Variants in ANO4 observed in about 807,000 individuals in gnomAD.
ANO4 encodes anoctamin-4.
ANO4 carries 69 observed loss-of-function variants against 141.9 expected under a neutral mutation model. The ratio of observed to expected loss-of-function variants is 0.49; its 90% CI spans 0.40 to 0.59. The LOEUF (loss-of-function observed/expected upper bound fraction) is 0.59, where lower values mean the gene tolerates loss of function less well. Ranked by LOEUF, ANO4 falls within the 20% of genes least tolerant of loss-of-function variation. ANO4 has a pLI of 0.00. For missense variants in ANO4, 894 were observed against 1,162.2 expected, an observed-to-expected ratio of 0.77 and a Z score of 3.36; for synonymous variants, 350 against 394.3, an observed-to-expected ratio of 0.89 and a Z score of 1.33.
intron 3 of ANO4, among the ~76,000 whole-genome samples, chr12:100,775,846 G>GAA (rs142548213): frequency 1.4e-5 from 2 of 146,872 alleles, no homozygotes; most frequent in African/African-American, 5.0e-5. Context: ...TGTTTTTTAA[G>GAA]AAAAAAAAAA....
intron 22 of ANO4, among the ~76,000 whole-genome samples, chr12:101,101,025 T>C (rs2050165443): frequency 6.6e-6 from 1 of 152,232 alleles, no homozygotes; most frequent in Non-Finnish European, 1.5e-5. Flanking sequence ...TATTTACATA[T>C]TATTTGTGGC....
chr12:100,876,731 C>T (rs1669414732), intron 1 of ANO4, among the ~76,000 whole-genome samples: 1 of 152,152 alleles, frequency 6.6e-6, no homozygotes, highest in Admixed American at 6.5e-5. Context: ...CACATATGTT[C>T]TTGGAACCTT....
chr12:100,980,842 A>G (rs1245501299), intron 7 of ANO4, among the ~76,000 whole-genome samples: 1 of 152,186 alleles, frequency 6.6e-6, no homozygotes, highest in Non-Finnish European at 1.5e-5. Flanking sequence ...TATAGCCATT[A>G]TAAATTGCCT....
At chr12:100,755,962 T>A (rs1324718208) in intron 3 of ANO4, among the ~76,000 whole-genome samples, 2 of 152,234 alleles carry the variant, frequency 1.3e-5, no homozygotes, top group African/African-American at 4.8e-5. Context: ...GCAAAGAGAT[T>A]CTGAATAGTT....
intron 17 of ANO4, among the ~76,000 whole-genome samples, chr12:101,091,320 G>A (rs990277187): frequency 2.0e-5 from 3 of 152,128 alleles, no homozygotes; most frequent in African/African-American, 7.2e-5. Flanking sequence ...ACCTCTTTGT[G>A]CAGGGGCCAG....
At chr12:100,932,619 A>G (rs1391898146) in intron 3 of ANO4, among the ~76,000 whole-genome samples, 1 of 152,188 alleles carries the variant, frequency 6.6e-6, no homozygotes. Context: ...TAATTGAAAT[A>G]ATTGCAAATA....
chr12:100,883,146 T>G (rs1481922640), intron 1 of ANO4, among the ~76,000 whole-genome samples: 1 of 152,208 alleles, frequency 6.6e-6, no homozygotes, highest in Non-Finnish European at 1.5e-5. Flanking sequence ...TCTATGAATT[T>G]CAGGCCAGTA....
At chr12:101,072,709 T>C (rs2048864311) in intron 14 of ANO4, among the ~76,000 whole-genome samples, 1 of 151,572 alleles carries the variant, frequency 6.6e-6, no homozygotes, top group African/African-American at 2.4e-5. Context: ...AGGGCTAATA[T>C]CCAGAATCTA....
At position 100,785,782 on chromosome 12, in the gene ANO4, C is replaced by T. The variant is rs867978473; in HGVS notation, c.358+45677C>T. Among the ~76,000 whole-genome samples, 64 of 152,200 alleles carry T rather than the reference C, an allele frequency of 4.2e-4. 1 individual carries two copies. The Middle Eastern group carries it at 0.017, about 40-fold the overall frequency. ...ATACCAAGGAGTATGATTGCTGGAT[C>T]GTAAGGTAAGAGTATGTTTAGTTTT... On this transcript the variant is annotated intron_variant, in intron 3 of 29. Transcript: ENST00000644049.
At chr12:100,779,925 T>C (rs1301212579) in intron 3 of ANO4, among the ~76,000 whole-genome samples, 1 of 152,144 alleles carries the variant, frequency 6.6e-6, no homozygotes, top group East Asian at 1.9e-4. Flanking sequence ...ACTTTGTATT[T>C]CCCAGCCATT....
intron 1 of ANO4, among the ~76,000 whole-genome samples, chr12:100,895,900 G>A (rs2040325872): frequency 6.6e-6 from 1 of 151,920 alleles, no homozygotes; most frequent in African/African-American, 2.4e-5. Flanking sequence ...CATTTATTGT[G>A]TTCCCGTATA....
chr12:101,083,561 T>G, intron 15 of ANO4, 117 bp from the exon 16 acceptor site: 1 of 1,279,818 alleles, frequency 7.8e-7, no homozygotes, highest in Non-Finnish European at 1.1e-6. Context: ...ACTTCATTGG[T>G]TGACTAATTA....
intron 2 of ANO4, among the ~76,000 whole-genome samples, chr12:100,919,248 A>G (rs496373): frequency 0.31 from 47,709 of 151,996 alleles, 7,697 homozygotes; most frequent in Admixed American, 0.36. Flanking sequence ...TGGCGTAAGT[A>G]TACAGTGTTT....
intron 8 of ANO4, among the ~76,000 whole-genome samples, chr12:101,017,237 G>A (rs61944922): frequency 0.2 from 31,024 of 152,106 alleles, 3,706 homozygotes; most frequent in African/African-American, 0.33. Context: ...TTGGCAGGCA[G>A]GAGAGATCAT....
chr12:101,078,613 G>A (rs970131028), intron 14 of ANO4, among the ~76,000 whole-genome samples: 35 of 152,116 alleles, frequency 2.3e-4, no homozygotes, highest in Admixed American at 2.3e-3. Flanking sequence ...TGGCAACAAA[G>A]AAATGGTTTG....
At chr12:100,938,048 G>A (rs1399727398) in intron 3 of ANO4, among the ~76,000 whole-genome samples, 3 of 152,200 alleles carry the variant, frequency 2.0e-5, no homozygotes, top group East Asian at 1.9e-4. Context: ...CTTTGGGGGG[G>A]TCATAATTCA....
chr12:100,963,738 G>A (rs965361562), intron 5 of ANO4, among the ~76,000 whole-genome samples: 1 of 152,098 alleles, frequency 6.6e-6, no homozygotes, highest in Non-Finnish European at 1.5e-5. Context: ...GCCCCACTGA[G>A]AGGAGTTAAA....
chr12:100,851,943 G>A (rs1338287937), intron 1 of ANO4, among the ~76,000 whole-genome samples: 2 of 152,190 alleles, frequency 1.3e-5, no homozygotes, highest in African/African-American at 4.8e-5. Flanking sequence ...GCTTGGGAGA[G>A]AGCAGGTGGA....
At chr12:100,771,108 A>C (rs879870568) in intron 3 of ANO4, among the ~76,000 whole-genome samples, 1 of 152,172 alleles carries the variant, frequency 6.6e-6, no homozygotes, top group Admixed American at 6.5e-5. Context: ...TATCACTGTC[A>C]TATTGAAGAG....
Sources: allele counts gnomAD v4.1 joint callset (sites outside exome capture counted in the v4.1 genomes callset), GRCh38; gene constraint gnomAD v4.1.1; transcripts MANE v1.5; gene names NCBI Gene and HGNC (gene_info 2026-07-23, HGNC 2026-07-21).